The following MCM3 variants were observed in gnomAD, a reference collection of about 807,000 sequenced individuals.
The protein encoded by MCM3 is minichromosome maintenance complex component 3.
A neutral mutation model predicts 91.3 loss-of-function variants in MCM3; 59 were observed. That is an observed-to-expected ratio of 0.65 (90% CI 0.52 to 0.80). MCM3 has a LOEUF of 0.80. Ranked by LOEUF, MCM3 falls within the 30% of genes least tolerant of loss-of-function variation. MCM3 has a pLI of 0.00. For synonymous variants in MCM3, 383 were observed against 379.6 expected, an observed-to-expected ratio of 1.01 and a Z score of -0.10; for missense variants, 919 against 1,035.4, an observed-to-expected ratio of 0.89 and a Z score of 1.54.
rs1765798324 is a variant in MCM3 at position 52,278,722 on chromosome 6, T to C, written c.879+20A>G. 6.4e-7 allele frequency: 1 copy of C among 1,568,582 alleles called. No individual in the cohort carries two copies. Among genetic ancestry groups the C allele is most frequent in the African/African-American group, 1.4e-5 (1 of 73,940 alleles). ...TTAGAAATCCATTCCCACCCTCAAA[T>C]TTCTAAAGGATGCCCAGACCTTGGA... On this transcript the variant is annotated intron_variant, in intron 6 of 16. Coordinates refer to ENST00000596288, the MANE Select transcript of MCM3 (RefSeq NM_002388.6).
Position 52,273,802 on chromosome 6 carries a change from T to C in MCM3, c.1489A>G (p.Ile497Val). 6.2e-7 allele frequency: 1 copy of C among 1,614,004 alleles called. No individual in the cohort carries two copies. Among genetic ancestry groups the C allele is most frequent in the African/African-American group, 1.3e-5 (1 of 74,996 alleles). ...TGCATCCGAAGGACATGGTCTGAGA[T>C]CTCCCGATCCTGCTCAGGATCCATC... is the stretch of plus-strand genomic sequence containing the variant. ...DQMDPEQDRE[I>V]SDHVLRMHRY... Residue 497 changes from isoleucine (I) to valine (V), a missense_variant, in exon 10 of 17, where the codon ATC (isoleucine) becomes GTC (valine). By Grantham distance (29) the Ile-to-Val change is conservative. Transcript: ENST00000596288.
intron 9 of MCM3, 145 bp from the exon 10 acceptor site, chr6:52,274,061 T>G (rs1387252337): frequency 1.6e-6 from 1 of 614,396 alleles, no homozygotes; most frequent in Non-Finnish European, 2.8e-6. Context: ...GGAAGTGTTT[T>G]AAAGCCATTA....
intron 4 of MCM3, among the ~76,000 whole-genome samples, chr6:52,281,606 G>C (rs1286144830): frequency 6.6e-6 from 1 of 152,116 alleles, no homozygotes; most frequent in Non-Finnish European, 1.5e-5. Flanking sequence ...GTTGAGTCCA[G>C]GAGTTTCAGG....
At chr6:52,268,145 C>A (rs1391641071) in intron 13 of MCM3, among the ~76,000 whole-genome samples, 177 bp from the exon 14 acceptor site, 1 of 152,176 alleles carries the variant, frequency 6.6e-6, no homozygotes, top group African/African-American at 2.4e-5. Context: ...AGACTGCTAC[C>A]CATCTTTTCA....
rs1222216985 is a variant in MCM3 at position 52,276,281 on chromosome 6, G to T, written c.1361C>A (p.Pro454His). ...ARCSVLAAAN[P>H]VYGRYDQYKT... ...GATTCCACTTACCCTGCCGTAGACA[G>T]GGTTGGCAGCTGCCAAAACACTGCA... Residue 454 changes from proline (P) to histidine (H), a missense_variant, in exon 9 of 17, where the codon CCT becomes CAT. By Grantham distance (77) the Pro-to-His change is moderately conservative. Around this residue, in one of 3 missense-constraint regions of MCM3, gnomAD observed 233 missense variants for 321.2 expected, o/e 0.73. Coordinates refer to ENST00000596288, the MANE Select transcript of MCM3 (RefSeq NM_002388.6). 1 of 1,611,496 alleles carries T rather than the reference G, an allele frequency of 6.2e-7. No individual in the cohort carries two copies. The highest frequency in any genetic ancestry group is 8.5e-7 in the Non-Finnish European group (1 of 1,179,506).
chr6:52,284,508 T>G, intron 1 of MCM3, 89 bp downstream of exon 1: 1 of 1,234,118 alleles, frequency 8.1e-7, no homozygotes, highest in Non-Finnish European at 1.1e-6. Context: ...GCACACGGTC[T>G]GGAGGTCTGG....
intron 12 of MCM3, 41 bp downstream of exon 12, chr6:52,272,260 T>C (rs1562381062): frequency 6.3e-7 from 1 of 1,596,306 alleles, no homozygotes. Context: ...CCCAGCCATA[T>C]ACCTAAGGGA....
rs558615769 is a variant in MCM3, at chr6:52,274,950, G to A, written c.1375-1034C>T. Among the ~76,000 whole-genome samples, 67 of 152,074 alleles carry A rather than the reference G, an allele frequency of 4.4e-4. 2 individuals carry two copies. The South Asian group carries it at 0.014, about 31-fold the overall frequency. ...TATTTTATTTTATTTTACTTTTAAA[G>A]ATGAGGTCTCACTATATTGCCTAGG... On this transcript the variant is annotated intron_variant, in intron 9 of 16. Coordinates refer to ENST00000596288, the MANE Select transcript of MCM3 (RefSeq NM_002388.6).
At chr6:52,281,496 C>G (rs376337439) in intron 4 of MCM3, among the ~76,000 whole-genome samples, 1 of 151,672 alleles carries the variant, frequency 6.6e-6, no homozygotes, top group Non-Finnish European at 1.5e-5. Flanking sequence ...GGCAACATAG[C>G]GAGACCCTGT....
chr6:52,266,178 G>A (rs1453662021), intron 15 of MCM3, 34 bp from the exon 16 acceptor site: 1 of 1,533,892 alleles, frequency 6.5e-7, no homozygotes, highest in Non-Finnish European at 9.0e-7. Flanking sequence ...AGATGGGGAA[G>A]ATAAGCAAGG....
chr6:52,264,603 G>A lies in MCM3; in HGVS notation c.2412C>T (p.Ile804=). 1 of 1,614,204 alleles carries A rather than the reference G, an allele frequency of 6.2e-7. No homozygotes were observed. The highest frequency in any genetic ancestry group is 8.5e-7 in the Non-Finnish European group (1 of 1,180,042). Residue 804 remains isoleucine (I), a synonymous_variant, in exon 17 of 17, where the codon ATC becomes ATT. Coordinates refer to ENST00000596288, the MANE Select transcript of MCM3 (RefSeq NM_002388.6). ...CGAGGCCTCCTCAGATGAGGAAGAT[G>A]ATGCCCTCAGACACCATGACCTGAT... ...DDNQVMVSEG[I]IFLI
intron 8 of MCM3, among the ~76,000 whole-genome samples, chr6:52,276,717 CT>C (rs1765599988): frequency 1.3e-5 from 2 of 152,138 alleles, no homozygotes; most frequent in Non-Finnish European, 1.5e-5. Flanking sequence ...CACAAATTTC[CT>C]TCATAGATTC....
At chr6:52,265,282 G>C in intron 16 of MCM3, 1 of 442,178 alleles carries the variant, frequency 2.3e-6, no homozygotes, top group South Asian at 1.6e-5. Context: ...AACAAGCACA[G>C]TGGCTTATGC....
At chr6:52,271,364 C>G (rs17240091) in intron 12 of MCM3, among the ~76,000 whole-genome samples, 1 of 151,838 alleles carries the variant, frequency 6.6e-6, no homozygotes, top group African/African-American at 2.4e-5. Context: ...AAATTTGGGC[C>G]GGGCATGGTG....
rs778717275 is a variant in MCM3 at position 52,282,179 on chromosome 6, G to A, written c.401-4C>T. 4.5e-5 allele frequency: 73 copies of A among 1,613,928 alleles called. 1 individual carries two copies. Among genetic ancestry groups the A allele is most frequent in the South Asian group, 3.1e-4 (28 of 91,068 alleles). On this transcript the variant is annotated splice_region_variant and splice_polypyrimidine_tract_variant and intron_variant, in intron 3 of 16. Transcript: ENST00000596288. The stretch of plus-strand genomic sequence containing the variant: ...ACTTTGGGACGAACTAGAGAACCTA[G>A]GGATGGAAAATGTGCATATATAAAC...
At chr6:52,265,103 T>C in intron 16 of MCM3, 1 of 389,370 alleles carries the variant, frequency 2.6e-6, no homozygotes, top group South Asian at 2.3e-5. Flanking sequence ...GGGAGCCCAT[T>C]TCTAGGAACT....
chr6:52,283,323 C>G lies in MCM3; in HGVS notation c.162G>C (p.Leu54=), dbSNP rs766782012. ...TAGCCCTCTTCTCGTTTTTCCTGCG[C>G]AGGTCATTCACATTGACAATCAGCC... The part of the protein sequence containing the change: ...QYRLIVNVND[L]RRKNEKRANR... Residue 54 remains leucine, a synonymous_variant, in exon 2 of 17, where the codon CTG becomes CTC. Coordinates refer to ENST00000596288, the MANE Select transcript of MCM3 (RefSeq NM_002388.6). 2 of 1,614,124 alleles carry G rather than the reference C, an allele frequency of 1.2e-6. No individual in the cohort carries two copies. Among genetic ancestry groups the G allele is most frequent in the Admixed American group, 3.3e-5 (2 of 60,016 alleles).
In MCM3 at chr6:52,264,357, T is replaced by G; in HGVS notation, c.*231A>C. Reference sequence around the variant, plus strand: ...CAGTGCTTTTGCAATGAAGATGCAATAGTCATTGTCCTCTCCCACTGTCTC... The same window carrying G: ...CAGTGCTTTTGCAATGAAGATGCAAGAGTCATTGTCCTCTCCCACTGTCTC... On this transcript the variant is annotated 3_prime_UTR_variant, in exon 17 of 17. Transcript: ENST00000596288. The G allele has an allele frequency of 1.9e-6, 1 of 520,278 alleles. No homozygotes were observed. Among genetic ancestry groups the G allele is most frequent in the Non-Finnish European group, 3.5e-6 (1 of 287,654 alleles). The allele number at this position is 520,278 out of a possible 1,614,324, so 32.2% of individuals were successfully genotyped here.
rs530410602 is a variant in MCM3 at position 52,264,749 on chromosome 6, G to A, written c.2266C>T (p.Arg756Trp). The change falls in exon 17 of 17, where the codon CGG (arginine) becomes TGG (tryptophan). Residue 756 changes from arginine (R) to tryptophan (W), a missense_variant. By Grantham distance (101) the Arg-to-Trp change is moderately radical (BLOSUM62 -3). Coordinates refer to ENST00000596288, the MANE Select transcript of MCM3 (RefSeq NM_002388.6). ...CCGATTGACTGCGCATGAGCTTCCC[G>A]GAACACATCCAAGAGGGCCACCTTG... ...AFKVALLDVF[R>W]EAHAQSIGMN... is the part of the protein sequence containing the mutation. 48 of 1,614,094 alleles carry A rather than the reference G, an allele frequency of 3.0e-5. No individual in the cohort carries two copies. The highest frequency in any genetic ancestry group is 6.7e-5 in the African/African-American group (5 of 75,038).
Sources: gnomAD v4.1 joint callset for allele counts (sites outside exome capture counted in the v4.1 genomes callset) on GRCh38, gnomAD v4.1.1 for gene constraint, gnomAD v4.1.1 regional missense constraint, MANE v1.5 for transcripts, NCBI Gene and HGNC (gene_info 2026-07-23, HGNC 2026-07-21) for gene names.